The following HEG1 variants were observed in gnomAD, a reference collection of about 807,000 sequenced individuals.
The protein encoded by HEG1 is protein HEG homolog 1.
In HEG1, 56 loss-of-function variants were observed where a neutral mutation model predicts 125.6. The observed-to-expected ratio is 0.45, with a 90% CI of 0.36 to 0.56. The LOEUF is 0.56. HEG1 is among the 20% of genes least tolerant of loss of function. The pLI is 0.00. For synonymous variants in HEG1, 644 were observed against 668.5 expected, an observed-to-expected ratio of 0.96 and a Z score of 0.57; for missense variants, 1,523 against 1,670.0, an observed-to-expected ratio of 0.91 and a Z score of 1.53.
chr3:125,054,902 G>A (rs536728293), intron 1 of HEG1, among the ~76,000 whole-genome samples: 18 of 152,318 alleles, frequency 1.2e-4, no homozygotes, highest in Admixed American at 2.0e-4. Context: ...AAGGTAGCAG[G>A]GAGAAGAGGT....
chr3:124,984,294 T>G (rs537518512), intron 14 of HEG1, among the ~76,000 whole-genome samples: 5 of 152,138 alleles, frequency 3.3e-5, no homozygotes, highest in Admixed American at 2.6e-4. Flanking sequence ...TGGGAGGCTG[T>G]GAGGCAGGGG....
chr3:124,982,064 A>G (rs1936664892), intron 14 of HEG1, among the ~76,000 whole-genome samples: 1 of 152,098 alleles, frequency 6.6e-6, no homozygotes, highest in Non-Finnish European at 1.5e-5. Context: ...CACCATGCTC[A>G]GCTAATTTTT....
At position 124,970,547 on chromosome 3, in the gene HEG1, C is replaced by CA; in HGVS notation, c.*104dup. On this transcript the variant is annotated 3_prime_UTR_variant, in exon 17 of 17. Coordinates refer to ENST00000311127, the MANE Select transcript of HEG1 (RefSeq NM_020733.2). ...CCTGTCCCTCTTCCTGCTTGCCACT[C>CA]AGCGTGGCTCCCGACAAATCCTGGG... The CA allele has an allele frequency of 4.0e-6, 4 of 1,004,420 alleles. No individual in the cohort carries two copies. The East Asian group carries it at 7.8e-5, about 20-fold the overall frequency. The allele number at this position is 1,004,420 out of a possible 1,614,324, so 62.2% of individuals were successfully genotyped here. A position where few individuals can be genotyped will look rare whatever the true frequency, so the allele number is the denominator to read the frequency against.
chr3:125,008,661 G>C (rs1937106291), intron 8 of HEG1, among the ~76,000 whole-genome samples: 1 of 152,166 alleles, frequency 6.6e-6, no homozygotes, highest in Non-Finnish European at 1.5e-5. Context: ...AGCTGGGCAT[G>C]GTGGTGCATG....
At chr3:125,055,258 G>A (rs1169703564) in intron 1 of HEG1, among the ~76,000 whole-genome samples, 1 of 152,206 alleles carries the variant, frequency 6.6e-6, no homozygotes, top group Non-Finnish European at 1.5e-5. Flanking sequence ...GGAGGTGGGA[G>A]AGATGCTTTG....
intron 5 of HEG1, among the ~76,000 whole-genome samples, chr3:125,017,334 C>T (rs1042919627): frequency 8.5e-5 from 13 of 152,274 alleles, no homozygotes; most frequent in Admixed American, 2.6e-4. Flanking sequence ...GGATTACAGG[C>T]GTAAGCCACC....
chr3:124,997,543 G>T, intron 12 of HEG1, 146 bp downstream of exon 12: 1 of 655,352 alleles, frequency 1.5e-6, no homozygotes, highest in Non-Finnish European at 2.3e-6. Context: ...ATTCAATCCT[G>T]CCACGAGCAA....
chr3:125,022,135 C>T (rs150334300), intron 3 of HEG1, among the ~76,000 whole-genome samples: 17 of 152,106 alleles, frequency 1.1e-4, no homozygotes, highest in South Asian at 4.2e-4. Flanking sequence ...TCATTCCAAA[C>T]GGGAATAAAC....
chr3:125,055,903 C>T lies in HEG1; in HGVS notation c.-13G>A, dbSNP rs1443754736. 1 of 979,382 alleles carries T rather than the reference C, an allele frequency of 1.0e-6. No homozygotes were observed. Among genetic ancestry groups the T allele is most frequent in the Non-Finnish European group, 1.2e-6 (1 of 827,014 alleles). The allele number at this position is 979,382 out of a possible 1,614,324, so 60.7% of individuals were successfully genotyped here. The stretch of plus-strand genomic sequence containing the variant: ...GCGGCGAGGCCATGGTGACGGCGCC[C>T]GCCCGCGCTCACATGCCCGGCGCGC... On this transcript the variant is annotated 5_prime_UTR_variant, in exon 1 of 17. Transcript: ENST00000311127.
intron 5 of HEG1, chr3:125,014,776 C>T (rs780404020): frequency 6.0e-5 from 78 of 1,289,464 alleles, no homozygotes; most frequent in South Asian, 5.7e-4. Flanking sequence ...GTCACGTTTA[C>T]GTGCAGAGAG....
At chr3:124,997,905 A>G (rs980948806) in intron 11 of HEG1, 82 bp from the exon 12 acceptor site, 43 of 1,385,798 alleles carry the variant, frequency 3.1e-5, no homozygotes, top group Non-Finnish European at 4.0e-5. Flanking sequence ...TTCAAAGCTC[A>G]TGTGTCTGCA....
intron 8 of HEG1, among the ~76,000 whole-genome samples, chr3:125,008,958 C>G (rs1234359394): frequency 6.6e-6 from 1 of 152,262 alleles, no homozygotes; most frequent in Non-Finnish European, 1.5e-5. Context: ...ATAGAAAGAG[C>G]TGTGGGCTGG....
intron 14 of HEG1, among the ~76,000 whole-genome samples, chr3:124,987,863 G>T (rs1936765261): frequency 6.7e-6 from 1 of 148,594 alleles, no homozygotes; most frequent in Non-Finnish European, 1.5e-5. Flanking sequence ...AGGTCCGCAG[G>T]CTTGTGATGT....
chr3:124,993,444 G>T (rs1936864204), intron 12 of HEG1, among the ~76,000 whole-genome samples: 1 of 152,174 alleles, frequency 6.6e-6, no homozygotes, highest in African/African-American at 2.4e-5. Flanking sequence ...CACTCAGGTG[G>T]GGCCTTCTCT....
chr3:125,034,202 G>A (rs1937532712), intron 1 of HEG1, among the ~76,000 whole-genome samples: 2 of 39,926 alleles, frequency 5.0e-5, no homozygotes, highest in African/African-American at 1.5e-4. Flanking sequence ...TTGAGAAAAC[G>A]AGGCATCCAT....
rs1937370416 is a variant in HEG1 at position 125,023,645 on chromosome 3, G to C, written c.914-2515C>G. ...ACAAACACCACTTATATTACTAAAT[G>C]AGCACCTGTTAAATAAATCTGGGGG... On this transcript the variant is annotated intron_variant, in intron 3 of 16. Coordinates refer to ENST00000311127, the MANE Select transcript of HEG1 (RefSeq NM_020733.2). 2.1e-5 allele frequency among the ~76,000 whole-genome samples: 3 copies of C among 140,148 alleles called. No homozygotes were observed. The Admixed American group carries it at 2.2e-4, about 10-fold the overall frequency. 91.9% of individuals were successfully genotyped at this position (140,148 alleles called of 152,430 possible). A position where few individuals can be genotyped will look rare whatever the true frequency, so the allele number is the denominator to read the frequency against.
chr3:124,983,704 C>T (rs971332219), intron 14 of HEG1, among the ~76,000 whole-genome samples: 1 of 152,114 alleles, frequency 6.6e-6, no homozygotes, highest in African/African-American at 2.4e-5. Context: ...TTCTCCCGCA[C>T]CTTCTGAAAT....
rs566920604 is a variant in HEG1 at position 124,978,265 on chromosome 3, G to A, written c.3734-319C>T. Among the ~76,000 whole-genome samples, 9 of 151,880 alleles carry A rather than the reference G, an allele frequency of 5.9e-5. No homozygotes were observed. The South Asian group carries it at 8.3e-4, about 14-fold the overall frequency. On this transcript the variant is annotated intron_variant, in intron 14 of 16. Coordinates refer to ENST00000311127, the MANE Select transcript of HEG1 (RefSeq NM_020733.2). The stretch of plus-strand genomic sequence containing the variant: ...TGGGTTCAAGCGATTCTCCTGCCTC[G>A]GCCTCCCAAGTAGCTGGGACTACAG...
Position 125,019,464 on chromosome 3 carries a change from G to A in HEG1, c.1386C>T (p.Asn462=), listed in dbSNP as rs1006990334. Reference sequence around the variant, plus strand: ...CTGTCACATCTGCAGATGTTGTGCTGTTGGTCAAGAGCCAGTGTGCAGTGA... The same window carrying A: ...CTGTCACATCTGCAGATGTTGTGCTATTGGTCAAGAGCCAGTGTGCAGTGA... ...GEITAHWLLT[N]STTSADVTGS... The change falls in exon 5 of 17, where the codon AAC becomes AAT. Residue 462 remains asparagine (N), a synonymous_variant. Transcript: ENST00000311127. 7 of 1,614,012 alleles carry A rather than the reference G, an allele frequency of 4.3e-6. No individual in the cohort carries two copies. The highest frequency in any genetic ancestry group is 5.9e-6 in the Non-Finnish European group (7 of 1,179,886).
Sources: allele counts gnomAD v4.1 joint callset (sites outside exome capture counted in the v4.1 genomes callset), GRCh38; gene constraint gnomAD v4.1.1; transcripts MANE v1.5; gene names NCBI Gene and HGNC (gene_info 2026-07-23, HGNC 2026-07-21).